CNOT4: variants seen among roughly 807,000 people sequenced by gnomAD.
The protein encoded by CNOT4 is CCR4-associated factor 4.
CNOT4 carries 8 observed loss-of-function variants against 73.8 expected under a neutral mutation model. The observed-to-expected ratio is 0.11, with a 90% CI of 0.06 to 0.20. The LOEUF (loss-of-function observed/expected upper bound fraction) is 0.20, where lower values mean the gene tolerates loss of function less well. Among genes scored for constraint, CNOT4 ranks in the 10% least tolerant of loss-of-function variants. CNOT4 has a pLI of 1.00. For synonymous variants in CNOT4, 293 were observed against 321.1 expected (o/e 0.91, Z 0.94); for missense variants, 564 against 883.4 (o/e 0.64, Z 4.58).
chr7:135,398,300 GA>G (rs71531848), intron 7 of CNOT4, 74 bp from the exon 8 acceptor site: 220 of 654,722 alleles, frequency 3.4e-4, no homozygotes, highest in East Asian at 1.1e-3. Context: ...CTCCTCAAAA[GA>G]AAAAAAAAAC....
chr7:135,491,231 GA>G (rs1337132658), intron 1 of CNOT4, among the ~76,000 whole-genome samples: 1 of 152,172 alleles, frequency 6.6e-6, no homozygotes, highest in South Asian at 2.1e-4. Flanking sequence ...GATCTGGGCT[GA>G]AAAAATTCAT....
At chr7:135,445,944 A>G (rs1799796722) in intron 1 of CNOT4, among the ~76,000 whole-genome samples, 1 of 152,182 alleles carries the variant, frequency 6.6e-6, no homozygotes, top group African/African-American at 2.4e-5. Flanking sequence ...TGGTGGGATC[A>G]TAGCTCACTG....
intron 1 of CNOT4, among the ~76,000 whole-genome samples, chr7:135,460,895 A>C (rs867810414): frequency 4.6e-5 from 7 of 152,352 alleles, no homozygotes; most frequent in Non-Finnish European, 1.0e-4. Flanking sequence ...AGGATTCAAC[A>C]AATTTTTTTC....
intron 1 of CNOT4, among the ~76,000 whole-genome samples, chr7:135,501,278 C>T (rs570963337): frequency 1.3e-5 from 2 of 152,308 alleles, no homozygotes; most frequent in South Asian, 2.1e-4. Flanking sequence ...AGCCACCACA[C>T]CAGGCCTACT....
chr7:135,438,105 A>C (rs1799268590), intron 2 of CNOT4, 53 bp downstream of exon 2: 1 of 1,031,178 alleles, frequency 9.7e-7, no homozygotes, highest in African/African-American at 1.6e-5. Flanking sequence ...ACATGGCAGC[A>C]AAAAACTATA....
At chr7:135,454,039 A>G (rs1233823753) in intron 1 of CNOT4, among the ~76,000 whole-genome samples, 3 of 147,744 alleles carry the variant, frequency 2.0e-5, no homozygotes, top group Non-Finnish European at 4.5e-5. Context: ...CCATGCAGCC[A>G]TCTGGAATAA....
At chr7:135,389,362 T>C (rs1249474747) in intron 10 of CNOT4, among the ~76,000 whole-genome samples, 1 of 150,502 alleles carries the variant, frequency 6.6e-6, no homozygotes, top group Non-Finnish European at 1.5e-5. Context: ...TAGAAAAAAA[T>C]GAAAGCTATA....
chr7:135,406,422 G>A (rs900951471), intron 7 of CNOT4, among the ~76,000 whole-genome samples: 1 of 151,252 alleles, frequency 6.6e-6, no homozygotes, highest in African/African-American at 2.4e-5. Context: ...CTCTTTGGGA[G>A]GCCAAGGCAG....
intron 7 of CNOT4, among the ~76,000 whole-genome samples, chr7:135,399,131 T>C (rs1796865242): frequency 6.6e-6 from 1 of 151,376 alleles, no homozygotes; most frequent in Non-Finnish European, 1.5e-5. Context: ...TGTACTGATA[T>C]CATTCCTATA....
chr7:135,384,667 G>C, intron 10 of CNOT4: 1 of 765,226 alleles, frequency 1.3e-6, no homozygotes, highest in Non-Finnish European at 2.4e-6. Flanking sequence ...TTATCCTACT[G>C]AATGAGCCTA....
In CNOT4 at chr7:135,363,801, C is replaced by T; in HGVS notation, c.1840+53G>A. 7.0e-7 allele frequency: 1 copy of T among 1,436,506 alleles called. No individual in the cohort carries two copies. The highest frequency in any genetic ancestry group is 9.5e-7 in the Non-Finnish European group (1 of 1,057,104). 89.0% of individuals were successfully genotyped at this position (1,436,506 alleles called of 1,614,324 possible). A position where few individuals can be genotyped will look rare whatever the true frequency, so the allele number is the denominator to read the frequency against. ...GATCTCGGTTTTTATTTAATCTGTG[C>T]TAAAAACCAAACTGTTGGCAGTCAG... On this transcript the variant is annotated intron_variant, in intron 11 of 11. Coordinates refer to ENST00000541284, the MANE Select transcript of CNOT4 (RefSeq NM_001190850.2). This position sits in a 1 kb window ranked among gnomAD's most constrained non-coding sequence, Gnocchi z 4.3.
At chr7:135,414,017 T>C (rs1797716582) in intron 5 of CNOT4, among the ~76,000 whole-genome samples, 1 of 152,058 alleles carries the variant, frequency 6.6e-6, no homozygotes. Flanking sequence ...CTGGAATCAA[T>C]GTCCATATAT....
intron 7 of CNOT4, among the ~76,000 whole-genome samples, chr7:135,403,497 T>C (rs535108062): frequency 6.6e-6 from 1 of 152,326 alleles, no homozygotes; most frequent in African/African-American, 2.4e-5. Flanking sequence ...TACGTGCCTA[T>C]AGTCCTAGTT....
intron 1 of CNOT4, among the ~76,000 whole-genome samples, chr7:135,485,115 C>T (rs1003350921): frequency 1.3e-5 from 2 of 152,142 alleles, no homozygotes; most frequent in East Asian, 3.9e-4. Flanking sequence ...GCTCTGTCAC[C>T]AGGCTGGAGT....
chr7:135,501,503 C>A (rs113919303), intron 1 of CNOT4, among the ~76,000 whole-genome samples: 2 of 152,276 alleles, frequency 1.3e-5, no homozygotes, highest in East Asian at 3.9e-4. Flanking sequence ...TCCATCCTAA[C>A]GTCTCTCAGA....
chr7:135,427,558 A>C (rs953839139), intron 2 of CNOT4, among the ~76,000 whole-genome samples: 6 of 152,236 alleles, frequency 3.9e-5, no homozygotes, highest in Admixed American at 3.3e-4. Flanking sequence ...TTGATTCAGA[A>C]TAATTTGTAA....
chr7:135,505,462 G>A (rs1350658306), intron 1 of CNOT4, among the ~76,000 whole-genome samples: 1 of 152,174 alleles, frequency 6.6e-6, no homozygotes, highest in African/African-American at 2.4e-5. Context: ...TGAGGCAGGA[G>A]GATTGCTTGA....
chr7:135,413,211 T>G (rs1026534778), intron 6 of CNOT4, among the ~76,000 whole-genome samples: 3 of 151,988 alleles, frequency 2.0e-5, no homozygotes, highest in African/African-American at 7.2e-5. Flanking sequence ...GGATCTGTAT[T>G]AGCATATTAA....
intron 2 of CNOT4, among the ~76,000 whole-genome samples, chr7:135,426,729 C>T (rs1798525470): frequency 1.3e-5 from 2 of 151,870 alleles, no homozygotes; most frequent in Admixed American, 1.3e-4. Flanking sequence ...TTGAGACCAG[C>T]CTGGCCAACA....
Sources: gnomAD v4.1 joint callset for allele counts (sites outside exome capture counted in the v4.1 genomes callset) on GRCh38, gnomAD v4.1.1 for gene constraint, Gnocchi (gnomAD v3.1) non-coding constraint, MANE v1.5 for transcripts, NCBI Gene and HGNC (gene_info 2026-07-23, HGNC 2026-07-21) for gene names.